PPP2R5A: variants seen among roughly 807,000 people sequenced by gnomAD.
PPP2R5A encodes serine/threonine-protein phosphatase 2A 56 kDa regulatory subunit alpha isoform.
In PPP2R5A, 25 loss-of-function variants were observed where a neutral mutation model predicts 64.2. That is an observed-to-expected ratio of 0.39 (90% CI 0.28 to 0.54). The LOEUF (loss-of-function observed/expected upper bound fraction) is 0.54, where lower values mean the gene tolerates loss of function less well. PPP2R5A is among the 20% of genes least tolerant of loss of function. The probability of loss-of-function intolerance (pLI) is 0.67; values close to 1 mark genes in which losing one functional copy is unlikely to be tolerated. For synonymous variants in PPP2R5A, 198 were observed against 201.2 expected, an observed-to-expected ratio of 0.98 and a Z score of 0.13; for missense variants, 425 against 576.3, an observed-to-expected ratio of 0.74 and a Z score of 2.69.
At chr1:212,286,409 G>A in intron 1 of PPP2R5A, 118 bp downstream of exon 1, 1 of 1,157,246 alleles carries the variant, frequency 8.6e-7, no homozygotes, top group Non-Finnish European at 1.1e-6. Flanking sequence ...GGTAGTGTGT[G>A]AGCCGAGTTC....
intron 3 of PPP2R5A, among the ~76,000 whole-genome samples, chr1:212,335,391 C>G (rs1191371317): frequency 1.3e-5 from 2 of 151,382 alleles, no homozygotes; most frequent in Admixed American, 1.3e-4. Flanking sequence ...AGGAGAATCG[C>G]TGGAACCCAG....
chr1:212,297,569 A>G (rs1342218728), intron 1 of PPP2R5A: 2 of 152,162 alleles, frequency 1.3e-5, no homozygotes, highest in African/African-American at 2.4e-5. Flanking sequence ...AGACCTTTAG[A>G]CTGTAGTATA....
At chr1:212,318,001 T>C (rs1053894322) in intron 1 of PPP2R5A, among the ~76,000 whole-genome samples, 2 of 152,166 alleles carry the variant, frequency 1.3e-5, no homozygotes, top group East Asian at 1.9e-4. Flanking sequence ...AAGTTGAGTA[T>C]TGAAAAAGAC....
At chr1:212,317,972 G>A (rs1659190710) in intron 1 of PPP2R5A, among the ~76,000 whole-genome samples, 1 of 152,068 alleles carries the variant, frequency 6.6e-6, no homozygotes, top group Non-Finnish European at 1.5e-5. Flanking sequence ...AAAAAAAAGT[G>A]TGAGCCAAAT....
chr1:212,354,787 GATT>G (rs1659949983), intron 8 of PPP2R5A, among the ~76,000 whole-genome samples: 1 of 152,074 alleles, frequency 6.6e-6, no homozygotes, highest in Non-Finnish European at 1.5e-5. Context: ...GATCCCATAA[GATT>G]ATAATGCTAT....
At chr1:212,358,923 T>C (rs112356988) in intron 12 of PPP2R5A, 136 bp downstream of exon 12, 163 of 564,444 alleles carry the variant, frequency 2.9e-4, no homozygotes, top group African/African-American at 2.8e-3. Context: ...AACATTACAA[T>C]GTGAAAGTCT....
At chr1:212,326,584 G>A (rs1294705600) in intron 1 of PPP2R5A, among the ~76,000 whole-genome samples, 1 of 152,114 alleles carries the variant, frequency 6.6e-6, no homozygotes, top group Admixed American at 6.5e-5. Flanking sequence ...GCAGTAGAGT[G>A]AGACTCCGTC....
intron 1 of PPP2R5A, among the ~76,000 whole-genome samples, chr1:212,311,829 G>A (rs902576027): frequency 6.6e-6 from 1 of 152,140 alleles, no homozygotes; most frequent in Non-Finnish European, 1.5e-5. Context: ...GCTGTACAGT[G>A]TGTGTTTTAA....
chr1:212,302,025 C>T (rs1658806684), intron 1 of PPP2R5A: 3 of 1,518,410 alleles, frequency 2.0e-6, no homozygotes, highest in East Asian at 2.5e-5. Context: ...TTGGTTATCA[C>T]CTCAGAAGTT....
intron 1 of PPP2R5A, among the ~76,000 whole-genome samples, chr1:212,319,769 C>T (rs1387749280): frequency 1.3e-5 from 2 of 150,988 alleles, no homozygotes; most frequent in African/African-American, 2.4e-5. Flanking sequence ...TACAGGTGTG[C>T]GCCACTACAC....
chr1:212,320,914 ACGGGGCGGC>A, intron 1 of PPP2R5A, among the ~76,000 whole-genome samples: 3 of 111,096 alleles, frequency 2.7e-5, no homozygotes, highest in Non-Finnish European at 5.7e-5. Context: ...CACCTCCCGG[ACGGGGCGGC>A]TGGCCGGGCG....
chr1:212,302,705 T>C (rs900093232), intron 1 of PPP2R5A, among the ~76,000 whole-genome samples: 2 of 152,216 alleles, frequency 1.3e-5, no homozygotes, highest in Non-Finnish European at 1.5e-5. Flanking sequence ...AATAGTTTTA[T>C]CATCTCAAAA....
intron 1 of PPP2R5A, among the ~76,000 whole-genome samples, chr1:212,319,947 G>GTTTTTTTTTTT (rs71137742): frequency 1.9e-5 from 2 of 103,388 alleles, no homozygotes; most frequent in Non-Finnish European, 1.9e-5. Context: ...CTTACAGATT[G>GTTTTTTTTTTT]TTTTTTTTTT....
At chr1:212,308,807 G>A (rs528320851) in intron 1 of PPP2R5A, among the ~76,000 whole-genome samples, 1 of 152,122 alleles carries the variant, frequency 6.6e-6, no homozygotes, top group South Asian at 2.1e-4. Flanking sequence ...CATAATTTCT[G>A]TTGATGTATT....
At chr1:212,321,437 G>A (rs1302374768) in intron 1 of PPP2R5A, among the ~76,000 whole-genome samples, 3 of 151,260 alleles carry the variant, frequency 2.0e-5, no homozygotes, top group Non-Finnish European at 2.9e-5. Context: ...CAGACGGAGT[G>A]GCTGCCGGGC....
intron 1 of PPP2R5A, among the ~76,000 whole-genome samples, chr1:212,322,740 TTTAA>T (rs1415084839): frequency 1.3e-5 from 2 of 149,926 alleles, no homozygotes; most frequent in South Asian, 2.1e-4. Flanking sequence ...CTTTCTTGCA[TTTAA>T]TTAATTCTCA....
intron 1 of PPP2R5A, among the ~76,000 whole-genome samples, chr1:212,323,766 T>G (rs1659356793): frequency 6.6e-6 from 1 of 152,112 alleles, no homozygotes; most frequent in South Asian, 2.1e-4. Flanking sequence ...CCAGAGAAAG[T>G]CTTTTTTAAA....
intron 1 of PPP2R5A, among the ~76,000 whole-genome samples, chr1:212,300,888 A>G (rs1487030355): frequency 7.2e-5 from 11 of 151,934 alleles, no homozygotes; most frequent in Non-Finnish European, 1.5e-5. Flanking sequence ...AATATATATA[A>G]TATTTTATAT....
chr1:212,326,331 C>CA (rs1659407037), intron 1 of PPP2R5A, among the ~76,000 whole-genome samples: 1 of 151,776 alleles, frequency 6.6e-6, no homozygotes, highest in South Asian at 2.1e-4. Flanking sequence ...AGGTGGCTCA[C>CA]ACCTGTAATC....
Sources: gnomAD v4.1 joint callset for allele counts (sites outside exome capture counted in the v4.1 genomes callset) on GRCh38, gnomAD v4.1.1 for gene constraint, MANE v1.5 for transcripts, NCBI Gene and HGNC (gene_info 2026-07-23, HGNC 2026-07-21) for gene names.